FANCB: variants seen among roughly 807,000 people sequenced by gnomAD.
The protein encoded by FANCB is FA complementation group B, also known as Fanconi anemia group B protein.
FANCB carries 5 observed loss-of-function variants against 38.9 expected under a neutral mutation model. The ratio of observed to expected loss-of-function variants is 0.13; its 90% CI spans 0.07 to 0.27. FANCB has a LOEUF of 0.27. Ranked by LOEUF, FANCB falls within the 10% of genes least tolerant of loss-of-function variation. The pLI is 1.00. For synonymous variants in FANCB, 236 were observed against 215.4 expected (o/e 1.10, Z -0.84); for missense variants, 573 against 602.7 (o/e 0.95, Z 0.52).
the FANCB span, among the ~76,000 whole-genome samples, chrX:14,808,941 G>T: frequency 8.9e-6 from 1 of 111,873 alleles, no homozygotes; most frequent in African/African-American, 3.3e-5. Context: ...AAGAAATAAA[G>T]TAATCCCATT....
chrX:14,860,242 T>A (rs1391876283), intron 3 of FANCB, among the ~76,000 whole-genome samples: 5 of 111,746 alleles, frequency 4.5e-5, no homozygotes, highest in Non-Finnish European at 9.4e-5. Flanking sequence ...TAGCTCACAT[T>A]AGAGCAAGAA....
chrX:14,709,890 GAA>G, the FANCB span, among the ~76,000 whole-genome samples: 2 of 112,150 alleles, frequency 1.8e-5, no homozygotes, highest in African/African-American at 3.2e-5. Context: ...ATTCATTAAA[GAA>G]GAGCTAGCTT....
the FANCB span, among the ~76,000 whole-genome samples, chrX:14,770,749 T>G: frequency 8.9e-6 from 1 of 112,272 alleles, no homozygotes; most frequent in Admixed American, 9.4e-5. Context: ...TGTACTTCAG[T>G]GTGTTTTTGT....
Position 14,865,190 on chromosome X carries a change from A to G in FANCB, c.321T>C (p.Tyr107=). The G allele has an allele frequency of 8.6e-7, 1 of 1,167,216 alleles. No homozygotes were observed. Among genetic ancestry groups the G allele is most frequent in the African/African-American group, 1.8e-5 (1 of 55,459 alleles). Residue 107 remains tyrosine, a synonymous_variant, in exon 3 of 10, where the codon TAT becomes TAC. Transcript: ENST00000650831. ...TAGTACTGTGAAGGATTAGTAAAAA[A>G]TATTCAAAAACATTATTCTTTTTAT... ...EKNKKNNVFE[Y]FLLILHSTNK...
At chrX:14,847,989 G>A (rs2092384027) in intron 7 of FANCB, among the ~76,000 whole-genome samples, 2 of 111,571 alleles carry the variant, frequency 1.8e-5, no homozygotes, top group Non-Finnish European at 3.8e-5. Context: ...TAAGCAAAAT[G>A]TATTCAAGAA....
At chrX:14,796,725 CAGAG>C in the FANCB span, among the ~76,000 whole-genome samples, 2 of 100,342 alleles carry the variant, frequency 2.0e-5, no homozygotes, top group East Asian at 3.1e-4. Context: ...CACATATACA[CAGAG>C]AGAGAGAGAG....
the FANCB span, among the ~76,000 whole-genome samples, chrX:14,691,981 A>G: frequency 4.5e-5 from 5 of 112,242 alleles, no homozygotes; most frequent in Non-Finnish European, 5.6e-5. Context: ...AATATTTCAC[A>G]GTCCCTATTA....
chrX:14,697,087 G>T, the FANCB span, among the ~76,000 whole-genome samples: 1 of 93,236 alleles, frequency 1.1e-5, no homozygotes, highest in Non-Finnish European at 2.3e-5. Context: ...CTGAACCATG[G>T]TTAGAAAAAA....
chrX:14,825,235 G>C, the FANCB span, among the ~76,000 whole-genome samples: 1 of 111,329 alleles, frequency 9.0e-6, no homozygotes, highest in African/African-American at 3.3e-5. Context: ...TGAGTCTCTG[G>C]GTTGATGTCG....
chrX:14,715,520 C>G, the FANCB span, among the ~76,000 whole-genome samples: 2 of 111,194 alleles, frequency 1.8e-5, no homozygotes, highest in Non-Finnish European at 3.8e-5. Context: ...GAGGCAGACA[C>G]GTAAATAGTT....
chrX:14,777,178 A>G, the FANCB span, among the ~76,000 whole-genome samples: 17 of 111,967 alleles, frequency 1.5e-4, no homozygotes, highest in African/African-American at 5.2e-4. Flanking sequence ...TCATTACAAT[A>G]CTGAAATACT....
At chrX:14,745,911 AG>A in the FANCB span, among the ~76,000 whole-genome samples, 1 of 108,897 alleles carries the variant, frequency 9.2e-6, no homozygotes, top group Non-Finnish European at 1.9e-5. Context: ...CGTGTTAGCC[AG>A]GATGGTCTCG....
At chrX:14,717,838 G>C in the FANCB span, among the ~76,000 whole-genome samples, 1 of 108,925 alleles carries the variant, frequency 9.2e-6, no homozygotes, top group East Asian at 2.9e-4. Context: ...CAATTTCAAA[G>C]AAATCATCCA....
chrX:14,719,418 A>G, the FANCB span, among the ~76,000 whole-genome samples: 1 of 112,328 alleles, frequency 8.9e-6, no homozygotes, highest in Non-Finnish European at 1.9e-5. Flanking sequence ...TTCTCAAAAG[A>G]AGACATACAA....
the FANCB span, among the ~76,000 whole-genome samples, chrX:14,777,083 GC>G: frequency 8.9e-6 from 1 of 112,466 alleles, no homozygotes; most frequent in Non-Finnish European, 1.9e-5. Context: ...AGGCATTCCT[GC>G]TTTATCACAT....
At chrX:14,742,658 G>C in the FANCB span, among the ~76,000 whole-genome samples, 1 of 111,713 alleles carries the variant, frequency 9.0e-6, no homozygotes, top group African/African-American at 3.3e-5. Context: ...GCCTATAAAT[G>C]AAGTCTATTC....
the FANCB span, among the ~76,000 whole-genome samples, chrX:14,726,673 T>C: frequency 3.5e-3 from 396 of 112,575 alleles, 1 homozygote; most frequent in Non-Finnish European, 6.0e-3. Flanking sequence ...TAACCTGACA[T>C]CCTTCTATTC....
intron 2 of FANCB, among the ~76,000 whole-genome samples, chrX:14,867,369 C>G (rs192279367): frequency 0.013 from 1,486 of 111,193 alleles, 12 homozygotes; most frequent in Non-Finnish European, 0.02. Flanking sequence ...AGCATGGTAC[C>G]GACATAAAAA....
At chrX:14,737,228 AT>A in the FANCB span, among the ~76,000 whole-genome samples, 1 of 111,616 alleles carries the variant, frequency 9.0e-6, no homozygotes, top group Non-Finnish European at 1.9e-5. Flanking sequence ...TTACCAACCC[AT>A]TCAGCTACCC....
Sources: allele counts gnomAD v4.1 joint callset (sites outside exome capture counted in the v4.1 genomes callset), GRCh38; gene constraint gnomAD v4.1.1; transcripts MANE v1.5; gene names NCBI Gene and HGNC (gene_info 2026-07-23, HGNC 2026-07-21).